KIF26B: variants seen among roughly 807,000 people sequenced by gnomAD.
KIF26B encodes the protein kinesin family member 26B, also known as kinesin-like protein KIF26B.
In KIF26B, 63 loss-of-function variants were observed where a neutral mutation model predicts 151.2. The ratio of observed to expected loss-of-function variants is 0.42; its 90% CI spans 0.34 to 0.51. The LOEUF (loss-of-function observed/expected upper bound fraction) is 0.51, where lower values mean the gene tolerates loss of function less well. KIF26B is among the 20% of genes least tolerant of loss of function. KIF26B has a pLI of 0.07. For synonymous variants in KIF26B, 1,357 were observed against 1,262.1 expected (o/e 1.08, Z -1.59); for missense variants, 2,813 against 2,913.6 (o/e 0.97, Z 0.79).
chr1:245,249,321 G>A (rs914817172), intron 2 of KIF26B, among the ~76,000 whole-genome samples: 1 of 151,726 alleles, frequency 6.6e-6, no homozygotes, highest in Non-Finnish European at 1.5e-5. Flanking sequence ...GGATGGTCTC[G>A]ATCTTCTGAC....
Position 245,316,224 on chromosome 1 carries a change from C to T in KIF26B, c.466-50610C>T, listed in dbSNP as rs113862757. Among the ~76,000 whole-genome samples, 1,281 of 151,804 alleles carry T rather than the reference C, an allele frequency of 8.4e-3. 9 individuals carry two copies. The highest frequency in any genetic ancestry group is 0.029 in the African/African-American group (1,206 of 41,394). Reference sequence around the variant, plus strand: ...TGAACCTCCGCCTCCCAGGTTCAAGCGATTCTCCTGCCTCAGCCTCCCAAG... The same window carrying T: ...TGAACCTCCGCCTCCCAGGTTCAAGTGATTCTCCTGCCTCAGCCTCCCAAG... On this transcript the variant is annotated intron_variant, in intron 2 of 14. Coordinates refer to ENST00000407071, the MANE Select transcript of KIF26B (RefSeq NM_018012.4).
chr1:245,351,366 A>G (rs1481187018), intron 2 of KIF26B, among the ~76,000 whole-genome samples: 2 of 151,922 alleles, frequency 1.3e-5, no homozygotes, highest in Non-Finnish European at 2.9e-5. Flanking sequence ...TTCCCTGGCT[A>G]TGCCTTTTCA....
At chr1:245,298,914 G>A (rs1270014756) in intron 2 of KIF26B, among the ~76,000 whole-genome samples, 2 of 152,190 alleles carry the variant, frequency 1.3e-5, no homozygotes, top group Non-Finnish European at 2.9e-5. Flanking sequence ...GGATCTGGGT[G>A]ACTCTTTCAC....
chr1:245,561,935 T>C (rs192121721), intron 5 of KIF26B, among the ~76,000 whole-genome samples: 1 of 152,334 alleles, frequency 6.6e-6, no homozygotes, highest in East Asian at 1.9e-4. Flanking sequence ...CAAGGCTCTT[T>C]ACAGCTTTCT....
intron 2 of KIF26B, among the ~76,000 whole-genome samples, chr1:245,303,365 A>G (rs1049459843): frequency 1.3e-5 from 2 of 150,100 alleles, no homozygotes; most frequent in East Asian, 2.0e-4. Context: ...CGCCCGGCTA[A>G]TTTTTTGTAT....
intron 2 of KIF26B, among the ~76,000 whole-genome samples, chr1:245,268,366 G>A (rs1294749237): frequency 1.3e-5 from 2 of 151,594 alleles, no homozygotes; most frequent in African/African-American, 4.8e-5. Context: ...CAGCTACTCA[G>A]GAGGCTGAGG....
At chr1:245,475,699 A>G (rs1302157266) in intron 4 of KIF26B, among the ~76,000 whole-genome samples, 3 of 151,906 alleles carry the variant, frequency 2.0e-5, no homozygotes, top group African/African-American at 7.2e-5. Context: ...ATGAGATGCC[A>G]CTTCAAACCG....
intron 2 of KIF26B, among the ~76,000 whole-genome samples, chr1:245,187,399 T>C (rs1196242868): frequency 2.6e-5 from 4 of 152,216 alleles, no homozygotes; most frequent in Non-Finnish European, 4.4e-5. Context: ...ATGGACACCA[T>C]GTAGTTTATT....
At chr1:245,531,062 A>T (rs1237377846) in intron 4 of KIF26B, among the ~76,000 whole-genome samples, 2 of 152,080 alleles carry the variant, frequency 1.3e-5, no homozygotes, top group Admixed American at 6.6e-5. Flanking sequence ...TTTCCCTTTT[A>T]TATCCTAATT....
Position 245,423,727 on chromosome 1 carries a change from G to A in KIF26B, c.1166+3982G>A, listed in dbSNP as rs572927983. 2.0e-5 allele frequency among the ~76,000 whole-genome samples: 3 copies of A among 152,228 alleles called. 1 individual carries two copies. Among genetic ancestry groups the A allele is most frequent in the African/African-American group, 7.2e-5 (3 of 41,560 alleles). ...GAAAAATATGTCTATCCTGGGTCTG[G>A]AATTTTCTGGATAAATGTTGGTGTT... On this transcript the variant is annotated intron_variant, in intron 4 of 14. Transcript: ENST00000407071.
intron 9 of KIF26B, among the ~76,000 whole-genome samples, chr1:245,620,090 GA>G (rs1432710579): frequency 3.3e-5 from 5 of 152,044 alleles, no homozygotes; most frequent in African/African-American, 1.2e-4. Flanking sequence ...AAGTATGTTA[GA>G]GGGGGAATTA....
At chr1:245,598,250 A>T (rs766294890) in intron 5 of KIF26B, among the ~76,000 whole-genome samples, 1 of 152,150 alleles carries the variant, frequency 6.6e-6, no homozygotes, top group African/African-American at 2.4e-5. Context: ...GAGGGCCTTC[A>T]TTGTGGGTAT....
At chr1:245,526,595 A>G (rs1294802781) in intron 4 of KIF26B, among the ~76,000 whole-genome samples, 1 of 152,222 alleles carries the variant, frequency 6.6e-6, no homozygotes, top group Non-Finnish European at 1.5e-5. Context: ...GAGACTCTTA[A>G]ATTCAAATTT....
intron 3 of KIF26B, among the ~76,000 whole-genome samples, chr1:245,376,694 T>G (rs1369698555): frequency 2.0e-5 from 3 of 152,146 alleles, no homozygotes; most frequent in African/African-American, 7.2e-5. Context: ...TATTTTTTAT[T>G]TATTTTTTTT....
intron 2 of KIF26B, among the ~76,000 whole-genome samples, chr1:245,164,993 C>T (rs774120628): frequency 5.3e-5 from 8 of 151,984 alleles, no homozygotes; most frequent in Non-Finnish European, 1.0e-4. Flanking sequence ...ATCGCTTGAG[C>T]CCGGGAGGCG....
chr1:245,688,299 C>T lies in KIF26B; in HGVS notation c.5316C>T (p.Ser1772=), dbSNP rs1315593498. 7.5e-6 allele frequency: 12 copies of T among 1,596,180 alleles called. No homozygotes were observed. The highest frequency in any genetic ancestry group is 9.3e-6 in the Non-Finnish European group (11 of 1,178,316). Residue 1772 remains serine (S), a synonymous_variant, in exon 12 of 15, where the codon AGC becomes AGT. Transcript: ENST00000407071. ...CGCAGGCGGTGGGCCAGGGCTCCAG[C>T]TCGCCCCCCGGTGGGAAGCACACGC... ...SLPQAVGQGS[S]SPPGGKHTPW...
intron 2 of KIF26B, among the ~76,000 whole-genome samples, chr1:245,262,984 A>G (rs1331681696): frequency 6.6e-6 from 1 of 152,260 alleles, no homozygotes; most frequent in Admixed American, 6.5e-5. Flanking sequence ...TACCTGGCAC[A>G]TAAGAAAAAT....
intron 3 of KIF26B, among the ~76,000 whole-genome samples, chr1:245,412,959 C>A (rs995234410): frequency 5.9e-5 from 9 of 152,118 alleles, no homozygotes; most frequent in Non-Finnish European, 1.2e-4. Flanking sequence ...CCTTTTGCTG[C>A]CACCTGTATT....
At chr1:245,340,645 AAC>A (rs200641922) in intron 2 of KIF26B, among the ~76,000 whole-genome samples, 1,940 of 152,306 alleles carry the variant, frequency 0.013, 30 homozygotes, top group African/African-American at 0.044. Context: ...AGGCCCTGAG[AAC>A]ACAGAGGTAA....
Sources: gnomAD v4.1 joint callset for allele counts (sites outside exome capture counted in the v4.1 genomes callset) on GRCh38, gnomAD v4.1.1 for gene constraint, MANE v1.5 for transcripts, NCBI Gene and HGNC (gene_info 2026-07-23, HGNC 2026-07-21) for gene names.